Variants in ING5 observed in about 807,000 individuals in gnomAD.
ING5 encodes the protein inhibitor of growth family member 5, also known as inhibitor of growth protein 5.
ING5 carries 17 observed loss-of-function variants against 37.4 expected under a neutral mutation model. That is an observed-to-expected ratio of 0.45 (90% CI 0.31 to 0.68). The LOEUF (loss-of-function observed/expected upper bound fraction) is 0.68, where lower values mean the gene tolerates loss of function less well. Ranked by LOEUF, ING5 falls within the 30% of genes least tolerant of loss-of-function variation. The pLI, the probability that ING5 is intolerant of heterozygous loss-of-function variation, is 0.05. For synonymous variants in ING5, 123 were observed against 116.6 expected (o/e 1.06, Z -0.36); for missense variants, 233 against 311.9 (o/e 0.75, Z 1.91).
rs888465980 is a variant in ING5, at chr2:241,729,393, A to G, written c.*4362A>G. On this transcript the variant is annotated 3_prime_UTR_variant, in exon 8 of 8. Transcript: ENST00000313552. ...AATGTTGTAAATCTTTTTATTAGAT[A>G]ATGTAAAGATGTATATCAGTATTTT... 2.0e-5 allele frequency: 3 copies of G among 152,648 alleles called. No homozygotes were observed. Among genetic ancestry groups the G allele is most frequent in the Non-Finnish European group, 2.9e-5 (2 of 68,030 alleles). 9.5% of individuals were successfully genotyped at this position (152,648 alleles called of 1,614,324 possible).
At chr2:241,717,743 A>T in intron 5 of ING5, among the ~76,000 whole-genome samples, 1 of 150,936 alleles carries the variant, frequency 6.6e-6, no homozygotes, top group African/African-American at 2.4e-5. Flanking sequence ...CTGGCTCTTA[A>T]CAGTTTGGTT....
rs1292218781 is a variant in ING5, at chr2:241,709,274, G to C, written c.168G>C (p.Leu56=). The C allele has an allele frequency of 2.5e-6, 4 of 1,614,008 alleles. No individual in the cohort carries two copies. In the African/African-American group the frequency reaches 5.3e-5, roughly 22 times the overall value. The change falls in exon 3 of 8, where the codon CTG becomes CTC. Residue 56 remains leucine (L), a synonymous_variant. Coordinates refer to ENST00000313552, the MANE Select transcript of ING5 (RefSeq NM_032329.6). ...AAEYISTVKT[L]SPDQRVERLQ... is the part of the protein sequence containing the mutation. ...AGTACATCTCCACGGTGAAGACGCT[G>C]TCTCCAGACCAGCGCGTGGAGCGCC...
At chr2:241,711,951 A>C (rs2070123793) in intron 4 of ING5, 27 bp from the exon 5 acceptor site, 1 of 1,542,508 alleles carries the variant, frequency 6.5e-7, no homozygotes, top group Non-Finnish European at 8.7e-7. Flanking sequence ...TTCTATAAAA[A>C]TAATTTGCAT....
chr2:241,699,150 G>A (rs954954788), upstream of ING5, among the ~76,000 whole-genome samples: 4 of 151,532 alleles, frequency 2.6e-5, no homozygotes, highest in African/African-American at 7.3e-5. Flanking sequence ...TCAGGCTCCC[G>A]AGCAGCTGAG....
intron 2 of ING5, among the ~76,000 whole-genome samples, chr2:241,696,088 T>A (rs964174423): frequency 2.0e-5 from 3 of 151,534 alleles, no homozygotes; most frequent in Non-Finnish European, 4.4e-5. Context: ...CAATGTGAGA[T>A]CCTGTCTCAA....
intron 3 of ING5, among the ~76,000 whole-genome samples, chr2:241,711,146 A>G (rs2124912855): frequency 6.6e-6 from 1 of 152,344 alleles, no homozygotes; most frequent in African/African-American, 2.4e-5. Context: ...GCCCACACTC[A>G]TGTCTTTTCC....
upstream of ING5, among the ~76,000 whole-genome samples, chr2:241,701,268 C>T (rs2069718919): frequency 6.6e-6 from 1 of 152,194 alleles, no homozygotes; most frequent in Non-Finnish European, 1.5e-5. Flanking sequence ...CGGCCTTCTC[C>T]AGTATTTTTG....
At chr2:241,701,805 C>T (rs2069732147), upstream of ING5, among the ~76,000 whole-genome samples, 1 of 151,948 alleles carries the variant, frequency 6.6e-6, no homozygotes, top group Admixed American at 6.5e-5. Context: ...GGCGGTGGGG[C>T]CGGGAACCCC....
intron 1 of ING5, among the ~76,000 whole-genome samples, chr2:241,689,518 G>C (rs2069515545): frequency 6.6e-6 from 1 of 152,148 alleles, no homozygotes; most frequent in Admixed American, 6.6e-5. Flanking sequence ...AGGGTGTTTT[G>C]TGGTTTGGTC....
rs776196278 is a variant in ING5, at chr2:241,725,060, C to G, written c.*29C>G. ...GAGCTGTGTGCCCGGATCCGAGGAG[C>G]AAGTTAATCTGTCCCTTCATTCGTG... On this transcript the variant is annotated 3_prime_UTR_variant, in exon 8 of 8. Coordinates refer to ENST00000313552, the MANE Select transcript of ING5 (RefSeq NM_032329.6). 1.2e-6 allele frequency: 2 copies of G among 1,609,632 alleles called. No homozygotes were observed. The highest frequency in any genetic ancestry group is 2.7e-5 in the African/African-American group (2 of 74,856).
upstream of ING5, among the ~76,000 whole-genome samples, chr2:241,701,670 G>A (rs980614339): frequency 3.9e-5 from 6 of 152,202 alleles, no homozygotes; most frequent in African/African-American, 1.2e-4. Context: ...GGGAGCAGGG[G>A]TCGCGTGGGC....
At position 241,711,969 on chromosome 2, in the gene ING5, A is replaced by G. The variant is rs1271604379; in HGVS notation, c.389-9A>G. 2 of 1,580,612 alleles carry G rather than the reference A, an allele frequency of 1.3e-6. No individual in the cohort carries two copies. Among genetic ancestry groups the G allele is most frequent in the Admixed American group, 1.9e-5 (1 of 51,546 alleles). ...TATAAAAATAATTTGCATCTTGATT[A>G]TTTTTCAGAAGGCCGGGGTCAGAAA... On this transcript the variant is annotated splice_polypyrimidine_tract_variant and intron_variant, in intron 4 of 7. Coordinates refer to ENST00000313552, the MANE Select transcript of ING5 (RefSeq NM_032329.6).
chr2:241,725,082 C>G lies in ING5; in HGVS notation c.*51C>G. The G allele has an allele frequency of 6.3e-7, 1 of 1,579,164 alleles. No homozygotes were observed. The highest frequency in any genetic ancestry group is 8.7e-7 in the Non-Finnish European group (1 of 1,148,104). Reference sequence around the variant, plus strand: ...GAGCAAGTTAATCTGTCCCTTCATTCGTGTCGCAATATTTCCCTTCCTTTT... The same window carrying G: ...GAGCAAGTTAATCTGTCCCTTCATTGGTGTCGCAATATTTCCCTTCCTTTT... On this transcript the variant is annotated 3_prime_UTR_variant, in exon 8 of 8. Coordinates refer to ENST00000313552, the MANE Select transcript of ING5 (RefSeq NM_032329.6).
At chr2:241,700,551 G>A (rs529354284), upstream of ING5, among the ~76,000 whole-genome samples, 2 of 152,134 alleles carry the variant, frequency 1.3e-5, no homozygotes, top group East Asian at 1.9e-4. Flanking sequence ...CGCCTCCCAA[G>A]CTCAAGCGAT....
upstream of ING5, chr2:241,702,027 G>C: frequency 1.5e-6 from 2 of 1,345,182 alleles, no homozygotes; most frequent in Non-Finnish European, 1.9e-6. Context: ...CCGCGGCACC[G>C]CCCGCCCGCG....
intron 5 of ING5, among the ~76,000 whole-genome samples, chr2:241,719,050 G>A (rs932160432): frequency 2.8e-4 from 43 of 152,342 alleles, no homozygotes; most frequent in African/African-American, 9.6e-4. Flanking sequence ...GGCCTGGGGC[G>A]GGGCAGGGTC....
intron 2 of ING5, among the ~76,000 whole-genome samples, chr2:241,690,981 G>C (rs1243846794): frequency 6.6e-6 from 1 of 151,486 alleles, no homozygotes; most frequent in African/African-American, 2.4e-5. Context: ...CTAATTTTTT[G>C]TATTTTTAGT....
chr2:241,719,812 GCA>G, intron 5 of ING5: 2 of 1,430,436 alleles, frequency 1.4e-6, no homozygotes, highest in South Asian at 3.1e-5. Context: ...GCGCTGACCA[GCA>G]CTGTTTAGTA....
chr2:241,722,540 G>A (rs967666068), intron 5 of ING5: 27 of 985,290 alleles, frequency 2.7e-5, no homozygotes, highest in Admixed American at 1.2e-4. Flanking sequence ...ATTTTTGTGG[G>A]TAACTGTTCT....
Sources: allele counts gnomAD v4.1 joint callset (sites outside exome capture counted in the v4.1 genomes callset), GRCh38; gene constraint gnomAD v4.1.1; transcripts MANE v1.5; gene names NCBI Gene and HGNC (gene_info 2026-07-23, HGNC 2026-07-21).